GABBR2: variants seen among roughly 807,000 people sequenced by gnomAD.
GABBR2 encodes the protein G-protein coupled receptor 51.
GABBR2 carries 23 observed loss-of-function variants against 105.6 expected under a neutral mutation model. The observed-to-expected ratio is 0.22, with a 90% confidence interval of 0.16 to 0.31. The LOEUF (loss-of-function observed/expected upper bound fraction) is 0.31. GABBR2 is among the 10% of genes least tolerant of loss of function. The pLI, the probability that GABBR2 is intolerant of heterozygous loss-of-function variation, is 1.00. For missense variants in GABBR2, 734 were observed against 1,245.5 expected (o/e 0.59, Z 6.18); for synonymous variants, 478 against 499.7 (o/e 0.96, Z 0.58).
chr9:98,582,843 G>A (rs1235662658), intron 1 of GABBR2, among the ~76,000 whole-genome samples: 1 of 152,086 alleles, frequency 6.6e-6, no homozygotes, highest in Non-Finnish European at 1.5e-5. Flanking sequence ...TTCTTGGTGT[G>A]TGAAATCCCA....
chr9:98,468,281 A>T (rs1404108869), intron 6 of GABBR2, among the ~76,000 whole-genome samples: 1 of 152,186 alleles, frequency 6.6e-6, no homozygotes, highest in Non-Finnish European at 1.5e-5. Context: ...AGGCATACAA[A>T]GGAGGGAACC....
chr9:98,499,593 A>G (rs972662850), intron 3 of GABBR2, among the ~76,000 whole-genome samples: 3 of 152,278 alleles, frequency 2.0e-5, no homozygotes, highest in Non-Finnish European at 2.9e-5. Context: ...TTAAAGTGAC[A>G]AAAGCATGGA....
At chr9:98,633,029 G>A (rs977002916) in intron 1 of GABBR2, among the ~76,000 whole-genome samples, 4 of 152,100 alleles carry the variant, frequency 2.6e-5, no homozygotes, top group African/African-American at 4.8e-5. Context: ...CTGGGGTTTC[G>A]GGACACCCTA....
At chr9:98,501,218 G>A (rs537363186) in intron 3 of GABBR2, among the ~76,000 whole-genome samples, 1 of 140,794 alleles carries the variant, frequency 7.1e-6, no homozygotes, top group African/African-American at 2.6e-5. Flanking sequence ...AGGCTGGAAT[G>A]CAGCAGCATG....
At position 98,708,710 on chromosome 9, in the gene GABBR2, G is replaced by T. The variant is rs1487988722; in HGVS notation, c.28C>A (p.Pro10Thr). MASPRSSGQ[P>T]GPPPPPPPPP... ...GGTGGCGGCGGCGGCGGCGGCCCGG[G>T]CTGCCCGGAGCTCCGCGGGGAAGCC... is the stretch of plus-strand genomic sequence containing the variant. Residue 10 changes from proline (P) to threonine (T), a missense_variant, in exon 1 of 19, where the codon CCC becomes ACC. This residue lies in a region of GABBR2 where 70 missense variants were observed against 73.4 expected (regional missense o/e 0.95). Transcript: ENST00000259455. 1 of 997,142 alleles carries T rather than the reference G, an allele frequency of 1.0e-6. No individual in the cohort carries two copies. Among genetic ancestry groups the T allele is most frequent in the African/African-American group, 1.8e-5 (1 of 56,540 alleles). The allele number at this position is 997,142 out of a possible 1,614,324, so 61.8% of individuals were successfully genotyped here.
At position 98,698,734 on chromosome 9, in the gene GABBR2, G is replaced by A. The variant is rs138822097; in HGVS notation, c.321+9683C>T. On this transcript the variant is annotated intron_variant, in intron 1 of 18. Transcript: ENST00000259455. ...AGGCTGGTCTCGAACTCCTGACCTC[G>A]TGATCCACCCGCTTCGGCCTCCCAA... Among the ~76,000 whole-genome samples, 382 of 152,078 alleles carry A rather than the reference G, an allele frequency of 2.5e-3. 7 individuals are homozygous for A. The East Asian group carries it at 0.037, about 15-fold the overall frequency.
At chr9:98,608,408 A>G (rs754498925) in intron 1 of GABBR2, among the ~76,000 whole-genome samples, 4 of 152,164 alleles carry the variant, frequency 2.6e-5, no homozygotes, top group Non-Finnish European at 5.9e-5. Context: ...TGAATGCAAG[A>G]TAACATTTTA....
chr9:98,607,967 C>T (rs1446563292), intron 1 of GABBR2: 2 of 1,308,452 alleles, frequency 1.5e-6, no homozygotes, highest in Non-Finnish European at 2.2e-6. Context: ...TCCAGCGGCA[C>T]CATGAGCAAA....
At chr9:98,321,553 C>T (rs1458741800) in intron 13 of GABBR2, among the ~76,000 whole-genome samples, 3 of 152,172 alleles carry the variant, frequency 2.0e-5, no homozygotes, top group Admixed American at 2.0e-4. Context: ...CTCCTGTAGT[C>T]CAGGGACAAG....
In GABBR2 at chr9:98,560,716, CCTCT is replaced by C. The variant is rs973528529; in HGVS notation, c.459+17215_459+17218del. Among the ~76,000 whole-genome samples, 16 of 148,798 alleles carry C rather than the reference CCTCT, an allele frequency of 1.1e-4. No individual in the cohort carries two copies. The South Asian group carries it at 3.0e-3, about 28-fold the overall frequency. ...ATTCACCATTTTCCACATCTGCTTT[CCTCT>C]CTCTCTTTTTAAATATATAGTATAT... On this transcript the variant is annotated intron_variant, in intron 2 of 18. Coordinates refer to ENST00000259455, the MANE Select transcript of GABBR2 (RefSeq NM_005458.8).
At chr9:98,664,463 G>A (rs1830307983) in intron 1 of GABBR2, among the ~76,000 whole-genome samples, 1 of 152,204 alleles carries the variant, frequency 6.6e-6, no homozygotes, top group Admixed American at 6.5e-5. Flanking sequence ...ACGATATGTG[G>A]CCACCAAGTT....
intron 7 of GABBR2, among the ~76,000 whole-genome samples, chr9:98,409,979 C>T (rs558955443): frequency 6.6e-6 from 1 of 152,298 alleles, no homozygotes; most frequent in South Asian, 2.1e-4. Context: ...TTTCTTGCCA[C>T]CTGAAGGAGC....
intron 16 of GABBR2, among the ~76,000 whole-genome samples, chr9:98,300,836 A>G (rs1193735511): frequency 6.6e-6 from 1 of 152,228 alleles, no homozygotes; most frequent in East Asian, 1.9e-4. Flanking sequence ...AGAGGCCAAG[A>G]AAATTCTGAG....
chr9:98,694,983 A>G (rs774106205), intron 1 of GABBR2, among the ~76,000 whole-genome samples: 4 of 152,236 alleles, frequency 2.6e-5, no homozygotes, highest in Non-Finnish European at 5.9e-5. Context: ...ATGTGTCCTC[A>G]TCACACAGGA....
chr9:98,393,013 CCCATCCATGCATCCACCCAT>C (rs1475705701), intron 9 of GABBR2, among the ~76,000 whole-genome samples: 1 of 117,576 alleles, frequency 8.5e-6, no homozygotes, highest in East Asian at 2.6e-4. Flanking sequence ...CATTCACACA[CCCATCCATGCATCCACCCAT>C]CCATCCATCC....
At chr9:98,380,588 C>T (rs150545736) in intron 11 of GABBR2, among the ~76,000 whole-genome samples, 90 of 152,332 alleles carry the variant, frequency 5.9e-4, no homozygotes, top group African/African-American at 2.1e-3. Flanking sequence ...ACAGGGGCCA[C>T]GTTGCTATGG....
intron 8 of GABBR2, among the ~76,000 whole-genome samples, chr9:98,396,550 G>A (rs979460942): frequency 1.2e-4 from 18 of 152,138 alleles, no homozygotes; most frequent in Admixed American, 1.0e-3. Context: ...CTGCGCAAGC[G>A]GCTGTTGCTT....
intron 13 of GABBR2, among the ~76,000 whole-genome samples, chr9:98,357,528 G>A (rs1020138359): frequency 6.6e-5 from 10 of 151,950 alleles, no homozygotes; most frequent in African/African-American, 7.3e-5. Context: ...CATGCCTGTA[G>A]TCCCAGCTAC....
At chr9:98,331,448 G>A (rs1831024862) in intron 13 of GABBR2, among the ~76,000 whole-genome samples, 1 of 130,946 alleles carries the variant, frequency 7.6e-6, no homozygotes, top group Non-Finnish European at 1.5e-5. Context: ...GGCAGGATGA[G>A]CAGCCACCTC....
Sources: gnomAD v4.1 joint callset for allele counts (sites outside exome capture counted in the v4.1 genomes callset) on GRCh38, gnomAD v4.1.1 for gene constraint, gnomAD v4.1.1 regional missense constraint, MANE v1.5 for transcripts, NCBI Gene and HGNC (gene_info 2026-07-23, HGNC 2026-07-21) for gene names.